The following MAST4 variants were observed in gnomAD, a reference collection of about 807,000 sequenced individuals.
The protein encoded by MAST4 is microtubule-associated serine/threonine-protein kinase 4.
A neutral mutation model predicts 162.7 loss-of-function variants in MAST4; 89 were observed. That is an observed-to-expected ratio of 0.55 (90% CI 0.46 to 0.65). MAST4 has a LOEUF of 0.65. Ranked by LOEUF, MAST4 falls within the 30% of genes least tolerant of loss-of-function variation. The probability of loss-of-function intolerance (pLI) is 0.00; values close to 1 mark genes in which losing one functional copy is unlikely to be tolerated. For synonymous variants in MAST4, 1,479 were observed against 1,361.1 expected (o/e 1.09, Z -1.91); for missense variants, 3,153 against 3,374.0 (o/e 0.93, Z 1.62).
chr5:66,757,999 A>G (rs952414136), intron 1 of MAST4, among the ~76,000 whole-genome samples: 5 of 151,862 alleles, frequency 3.3e-5, no homozygotes, highest in Non-Finnish European at 7.4e-5. Context: ...TGATGTAATA[A>G]ACAGCAGCCC....
chr5:66,958,397 T>C (rs947772992), intron 4 of MAST4, among the ~76,000 whole-genome samples: 6 of 152,232 alleles, frequency 3.9e-5, no homozygotes, highest in African/African-American at 1.4e-4. Flanking sequence ...TTTTAATAAA[T>C]ACAAGATGAA....
chr5:66,803,690 A>G (rs980707831), intron 3 of MAST4, among the ~76,000 whole-genome samples: 1 of 152,188 alleles, frequency 6.6e-6, no homozygotes, highest in Non-Finnish European at 1.5e-5. Flanking sequence ...AATTAAGATT[A>G]CTAATTTATA....
At chr5:66,784,325 G>A (rs1004983434) in intron 2 of MAST4, among the ~76,000 whole-genome samples, 1 of 152,090 alleles carries the variant, frequency 6.6e-6, no homozygotes, top group Non-Finnish European at 1.5e-5. Flanking sequence ...AATTAATAGA[G>A]AATAATTCTA....
rs144412423 is a variant in MAST4, at chr5:67,053,937, T to C, written c.675-467T>C. On this transcript the variant is annotated intron_variant, in intron 4 of 28. Coordinates refer to ENST00000403625, the MANE Select transcript of MAST4 (RefSeq NM_001164664.2). ...ACACATTTATCTTAGGCATCAGCTA[T>C]TCTATTGACAAAAGGCACAAATAAG... is the stretch of plus-strand genomic sequence containing the variant. Among the ~76,000 whole-genome samples the C allele has an allele frequency of 1.4e-3, 211 of 152,372 alleles. 6 individuals carry two copies. Among genetic ancestry groups the C allele is most frequent in the African/African-American group, 4.9e-3 (204 of 41,596 alleles).
At chr5:66,859,825 T>G (rs950379404) in intron 3 of MAST4, among the ~76,000 whole-genome samples, 1 of 152,204 alleles carries the variant, frequency 6.6e-6, no homozygotes, top group Non-Finnish European at 1.5e-5. Context: ...CCGTGCTGCC[T>G]AAGGGCCCAT....
chr5:67,167,175 A>C lies in MAST4; in HGVS notation c.*124A>C. On this transcript the variant is annotated 3_prime_UTR_variant, in exon 29 of 29. Coordinates refer to ENST00000403625, the MANE Select transcript of MAST4 (RefSeq NM_001164664.2). ...AGGCAGAGCTCGGAGCCTCATTGAGACAGGGGAGAGAGAAAGACAAAGAGG... is the reference window on the plus strand; with the variant it reads ...AGGCAGAGCTCGGAGCCTCATTGAGCCAGGGGAGAGAGAAAGACAAAGAGG... The C allele has an allele frequency of 1.4e-6, 1 of 736,418 alleles. No individual in the cohort carries two copies. Among genetic ancestry groups the C allele is most frequent in the Non-Finnish European group, 1.9e-6 (1 of 513,474 alleles). The allele number at this position is 736,418 out of a possible 1,614,324, so 45.6% of individuals were successfully genotyped here. A position where few individuals can be genotyped will look rare whatever the true frequency, so the allele number is the denominator to read the frequency against.
chr5:66,726,773 G>A (rs1047771998), intron 1 of MAST4, among the ~76,000 whole-genome samples: 2 of 152,124 alleles, frequency 1.3e-5, no homozygotes, highest in African/African-American at 4.8e-5. Context: ...TATCATAGGA[G>A]TGTGAACCCT....
At chr5:67,081,180 G>A (rs1009757260) in intron 5 of MAST4, among the ~76,000 whole-genome samples, 1 of 149,124 alleles carries the variant, frequency 6.7e-6, no homozygotes, top group Non-Finnish European at 1.5e-5. Flanking sequence ...CTTAGCATGT[G>A]GGGAGAGGTT....
chr5:67,049,166 T>C (rs1757866632), intron 4 of MAST4, among the ~76,000 whole-genome samples: 1 of 150,772 alleles, frequency 6.6e-6, no homozygotes, highest in Non-Finnish European at 1.5e-5. Flanking sequence ...TGTTATTGGC[T>C]TGGACTTCAG....
intron 3 of MAST4, among the ~76,000 whole-genome samples, chr5:66,866,203 G>A (rs1197625980): frequency 1.1e-5 from 1 of 91,568 alleles, no homozygotes; most frequent in African/African-American, 3.1e-5. Context: ...CCGTCGTAGG[G>A]TCTGCATTTC....
chr5:67,028,883 C>A (rs567259956), intron 4 of MAST4, among the ~76,000 whole-genome samples: 1 of 152,194 alleles, frequency 6.6e-6, no homozygotes, highest in African/African-American at 2.4e-5. Flanking sequence ...AATCCCAGCA[C>A]ATTAGGAGGC....
At chr5:67,101,651 G>A (rs1479532738) in intron 8 of MAST4, among the ~76,000 whole-genome samples, 1 of 152,090 alleles carries the variant, frequency 6.6e-6, no homozygotes, top group African/African-American at 2.4e-5. Context: ...TTAATGAGAA[G>A]CAATTTCCCT....
chr5:66,788,331 GCTTA>G (rs1755212834), intron 2 of MAST4, among the ~76,000 whole-genome samples: 1 of 152,054 alleles, frequency 6.6e-6, no homozygotes, highest in Non-Finnish European at 1.5e-5. Flanking sequence ...AAATGCACGC[GCTTA>G]CTTCTGTGAT....
chr5:66,845,126 T>TATATATATATACATAC (rs1358855625), intron 3 of MAST4, among the ~76,000 whole-genome samples: 1 of 67,172 alleles, frequency 1.5e-5, no homozygotes, highest in African/African-American at 5.6e-5. Context: ...TATATATATA[T>TATATATATATACATAC]ACACACACAC....
intron 5 of MAST4, among the ~76,000 whole-genome samples, chr5:67,089,393 A>G (rs1013974249): frequency 2.0e-5 from 3 of 152,168 alleles, no homozygotes; most frequent in Non-Finnish European, 2.9e-5. Flanking sequence ...CCTCCTTCCA[A>G]CGAGCAATCA....
intron 3 of MAST4, among the ~76,000 whole-genome samples, chr5:66,825,403 T>C (rs1168848531): frequency 6.6e-6 from 1 of 151,692 alleles, no homozygotes; most frequent in Non-Finnish European, 1.5e-5. Context: ...GGGACCACCA[T>C]CATATATGTG....
chr5:66,841,004 A>G (rs1164890874), intron 3 of MAST4, among the ~76,000 whole-genome samples: 1 of 152,164 alleles, frequency 6.6e-6, no homozygotes, highest in Non-Finnish European at 1.5e-5. Context: ...TTCTGTTTGA[A>G]TGTTGGCCCA....
At chr5:66,967,757 A>C (rs1746925083) in intron 4 of MAST4, among the ~76,000 whole-genome samples, 1 of 147,536 alleles carries the variant, frequency 6.8e-6, no homozygotes, top group African/African-American at 2.6e-5. Context: ...CTTTGTCTAC[A>C]AACTAAATAT....
At chr5:66,691,407 G>A (rs1184490089) in intron 1 of MAST4, among the ~76,000 whole-genome samples, 1 of 152,086 alleles carries the variant, frequency 6.6e-6, no homozygotes, top group Non-Finnish European at 1.5e-5. Context: ...GATGTGCAAA[G>A]ACTAAATTGA....
Sources: gnomAD v4.1 joint callset for allele counts (sites outside exome capture counted in the v4.1 genomes callset) on GRCh38, gnomAD v4.1.1 for gene constraint, MANE v1.5 for transcripts, NCBI Gene and HGNC (gene_info 2026-07-23, HGNC 2026-07-21) for gene names.